ZNF585A: variants seen among roughly 807,000 people sequenced by gnomAD.
ZNF585A encodes zinc finger protein 585A.
Under a neutral mutation model 14.9 loss-of-function variants are expected in ZNF585A, and 9 were observed. The observed-to-expected ratio is 0.60, with a 90% CI of 0.36 to 1.05. The LOEUF (loss-of-function observed/expected upper bound fraction) is 1.05, where lower values mean the gene tolerates loss of function less well. Among genes scored for constraint, ZNF585A ranks in the 50% least tolerant of loss-of-function variants. The probability of loss-of-function intolerance (pLI) is 0.01; values close to 1 mark genes in which losing one functional copy is unlikely to be tolerated. For synonymous variants in ZNF585A, 276 were observed against 319.9 expected (o/e 0.86, Z 1.46); for missense variants, 726 against 926.4 (o/e 0.78, Z 2.81).
At chr19:37,170,133 C>A in intron 1 of ZNF585A, 79 bp from the exon 2 acceptor site, 1 of 489,968 alleles carries the variant, frequency 2.0e-6, no homozygotes. Context: ...AGGTGCAGGT[C>A]CCTGAGCTAG....
chr19:37,152,744 A>G lies in ZNF585A; in HGVS notation c.1155T>C (p.Ser385=), dbSNP rs200805147. The stretch of plus-strand genomic sequence containing the variant: ...TCTGAGTGAAGGCTTTCCCACAGTC[A>G]CTGCATTCATAAGGTTTCTCTCCAG... The part of the protein sequence containing the change: ...IHTGEKPYEC[S]DCGKAFTQKS... The change falls in exon 5 of 5, where the codon AGT becomes AGC. Residue 385 remains serine (S), a synonymous_variant. Coordinates refer to ENST00000292841, the MANE Select transcript of ZNF585A (RefSeq NM_001288800.2). 1.9e-5 allele frequency: 30 copies of G among 1,614,052 alleles called. No homozygotes were observed. Among genetic ancestry groups the G allele is most frequent in the South Asian group, 6.6e-5 (6 of 91,082 alleles).
At position 37,152,210 on chromosome 19, in the gene ZNF585A, T is replaced by C. The variant is rs370193527; in HGVS notation, c.1689A>G (p.Ser563=). ...HECGKAFNQK[S]ILIVHQKIHT... ...GAATTTTCTGATGAACAATGAGTAT[T>C]GATTTCTGGTTGAAGGCTTTCCCAC... The change falls in exon 5 of 5, where the codon TCA becomes TCG. Residue 563 remains serine (S), a synonymous_variant. Transcript: ENST00000292841. The C allele has an allele frequency of 6.2e-6, 10 of 1,613,378 alleles. No individual in the cohort carries two copies. The highest frequency in any genetic ancestry group is 8.5e-6 in the Non-Finnish European group (10 of 1,179,710).
rs1231135237 is a variant in ZNF585A at position 37,151,558 on chromosome 19, C to A, written c.*31G>T. On this transcript the variant is annotated 3_prime_UTR_variant, in exon 5 of 5. Transcript: ENST00000292841. ...TGCAACAGTGTACAATCAGACCCAA[C>A]CCTCAGGGGGGTTTTCTCACACTGT... 1.9e-6 allele frequency: 3 copies of A among 1,578,422 alleles called. No individual in the cohort carries two copies. Among genetic ancestry groups the A allele is most frequent in the African/African-American group, 2.7e-5 (2 of 74,226 alleles).
intron 2 of ZNF585A, among the ~76,000 whole-genome samples, chr19:37,156,815 C>T (rs1971938624): frequency 6.6e-6 from 1 of 152,070 alleles, no homozygotes; most frequent in African/African-American, 2.4e-5. Context: ...CCTCAGCCTC[C>T]CGAGTAGCTG....
chr19:37,165,089 C>T (rs758220552), intron 2 of ZNF585A, among the ~76,000 whole-genome samples: 4 of 151,952 alleles, frequency 2.6e-5, no homozygotes, highest in Admixed American at 6.6e-5. Flanking sequence ...CAGCTGGGTG[C>T]GGTGGCTCAT....
intron 2 of ZNF585A, among the ~76,000 whole-genome samples, chr19:37,163,445 T>TAAAAAAAAAAAAAAAAAAAAAAAAAA (rs367729509): frequency 8.5e-6 from 1 of 117,252 alleles, no homozygotes; most frequent in African/African-American, 3.3e-5. Context: ...AGTAAAAAAG[T>TAAAAAAAAAAAAAAAAAAAAAAAAAA]AAAAAAAAAA....
At chr19:37,153,635 G>GTA in intron 4 of ZNF585A, 29 bp from the exon 5 acceptor site, 1 of 1,494,080 alleles carries the variant, frequency 6.7e-7, no homozygotes, top group Admixed American at 2.1e-5. Context: ...GGTTACTATA[G>GTA]GAAGACATTT....
intron 2 of ZNF585A, 89 bp downstream of exon 2, chr19:37,169,750 C>T (rs1203250682): frequency 5.3e-6 from 8 of 1,515,868 alleles, no homozygotes; most frequent in Non-Finnish European, 7.2e-6. Context: ...TGGCCCAGCT[C>T]CCTCCCTCAG....
chr19:37,162,116 G>T (rs1419398795), intron 2 of ZNF585A, among the ~76,000 whole-genome samples: 1 of 152,188 alleles, frequency 6.6e-6, no homozygotes. Flanking sequence ...TTGAGATGGG[G>T]TTTCACCATG....
chr19:37,153,703 A>G lies in ZNF585A; in HGVS notation c.293-97T>C, dbSNP rs544861409. On this transcript the variant is annotated intron_variant, in intron 4 of 4. Coordinates refer to ENST00000292841, the MANE Select transcript of ZNF585A (RefSeq NM_001288800.2). ...AGGATTATTTTTATTATGACTGTAT[A>G]AATCTAAATTATGCTTTAAACCATT... 87 of 1,115,870 alleles carry G rather than the reference A, an allele frequency of 7.8e-5. No homozygotes were observed. The South Asian group carries it at 1.3e-3, about 17-fold the overall frequency. The allele number at this position is 1,115,870 out of a possible 1,614,324, so 69.1% of individuals were successfully genotyped here.
At chr19:37,157,462 T>C (rs1971949217) in intron 2 of ZNF585A, among the ~76,000 whole-genome samples, 1 of 152,180 alleles carries the variant, frequency 6.6e-6, no homozygotes, top group South Asian at 2.1e-4. Flanking sequence ...AAAGAAGACA[T>C]AACAAATTCA....
Position 37,146,912 on chromosome 19 carries a change from T to G in ZNF585A, c.*4677A>C, listed in dbSNP as rs1322332671. 1 of 149,656 alleles carries G rather than the reference T, an allele frequency of 6.7e-6. No individual in the cohort carries two copies. Among genetic ancestry groups the G allele is most frequent in the African/African-American group, 2.5e-5 (1 of 39,862 alleles). 9.3% of individuals were successfully genotyped at this position (149,656 alleles called of 1,614,324 possible). A position where few individuals can be genotyped will look rare whatever the true frequency, so the allele number is the denominator to read the frequency against. The stretch of plus-strand genomic sequence containing the variant: ...TGGGAGGAGGCATTAAATCTTGAAT[T>G]AGAGGACCCAAACCCACCCCACCAA... On this transcript the variant is annotated 3_prime_UTR_variant, in exon 5 of 5. Coordinates refer to ENST00000292841, the MANE Select transcript of ZNF585A (RefSeq NM_001288800.2).
Position 37,156,288 on chromosome 19 carries a change from GA to G in ZNF585A, c.139del (p.Ser47LeufsTer9), listed in dbSNP as rs755412852. On this transcript the variant is annotated frameshift_variant, in exon 3 of 5. Coordinates refer to ENST00000292841, the MANE Select transcript of ZNF585A (RefSeq NM_001288800.2). LOFTEE classifies it high-confidence loss of function. The stretch of plus-strand genomic sequence containing the variant: ...CACATCCCGGTACAGGTTTCTCTGA[GA>G]AGGGTCCAGGTGCCGCCATTCCTCT... The part of the protein sequence containing the change: ...SREEWRHLDP[S>X]QRNLYRDVML... 1.2e-6 allele frequency: 2 copies of G among 1,614,040 alleles called. No homozygotes were observed. Among genetic ancestry groups the G allele is most frequent in the Admixed American group, 3.3e-5 (2 of 59,992 alleles).
rs1971844666 is a variant in ZNF585A at position 37,152,267 on chromosome 19, G to A, written c.1632C>T (p.His544=). ...GGCATTCATACTGTCTCTCTCCAGTGTGAATTTTCTGATGTATATTGAGGT... is the reference window on the plus strand; with the variant it reads ...GGCATTCATACTGTCTCTCTCCAGTATGAATTTTCTGATGTATATTGAGGT... ...KSHLNIHQKI[H]TGERQYECHE... Residue 544 remains histidine, a synonymous_variant, in exon 5 of 5, where the codon CAC becomes CAT. Coordinates refer to ENST00000292841, the MANE Select transcript of ZNF585A (RefSeq NM_001288800.2). The A allele has an allele frequency of 6.2e-7, 1 of 1,614,056 alleles. No individual in the cohort carries two copies. Among genetic ancestry groups the A allele is most frequent in the South Asian group, 1.1e-5 (1 of 91,082 alleles).
intron 2 of ZNF585A, among the ~76,000 whole-genome samples, chr19:37,160,610 G>GT (rs1450480387): frequency 6.6e-6 from 1 of 151,616 alleles, no homozygotes; most frequent in Middle Eastern, 3.2e-3. Flanking sequence ...GAATAAAACA[G>GT]TAAATATCAT....
intron 2 of ZNF585A, chr19:37,165,746 A>G (rs1972082570): frequency 1.4e-6 from 1 of 712,924 alleles, no homozygotes; most frequent in East Asian, 1.3e-4. Context: ...GAATAATTTT[A>G]AATATTATTC....
Position 37,152,304 on chromosome 19 carries a change from G to C in ZNF585A, c.1595C>G (p.Thr532Ser). 1.2e-6 allele frequency: 2 copies of C among 1,614,184 alleles called. No individual in the cohort carries two copies. The highest frequency in any genetic ancestry group is 1.7e-6 in the Non-Finnish European group (2 of 1,180,044). The change falls in exon 5 of 5, where the codon ACT (threonine) becomes AGT (serine). Residue 532 changes from threonine to serine, a missense_variant. Transcript: ENST00000292841. ...ATGTATATTGAGGTGTGACTTCTGA[G>C]TGAAGGCTTTTCCACAAGTATTGCA... ...YECNTCGKAFTQKSHLNIHQK... is the reference protein window; with the variant it reads ...YECNTCGKAFSQKSHLNIHQK...
intron 1 of ZNF585A, among the ~76,000 whole-genome samples, chr19:37,170,695 G>A (rs767475057): frequency 6.6e-6 from 1 of 152,124 alleles, no homozygotes; most frequent in Admixed American, 6.5e-5. Flanking sequence ...AGGATGGTCT[G>A]GATCTCCTGA....
At chr19:37,168,833 A>G (rs960131346) in intron 2 of ZNF585A, among the ~76,000 whole-genome samples, 1 of 152,242 alleles carries the variant, frequency 6.6e-6, no homozygotes, top group Admixed American at 6.5e-5. Context: ...GCAATGTGTG[A>G]AAATTTAGTC....
Sources: allele counts gnomAD v4.1 joint callset (sites outside exome capture counted in the v4.1 genomes callset), GRCh38; gene constraint gnomAD v4.1.1; transcripts MANE v1.5; gene names NCBI Gene and HGNC (gene_info 2026-07-23, HGNC 2026-07-21).